The following DOCK1 variants were observed in gnomAD, a reference collection of about 807,000 sequenced individuals.
DOCK1 encodes the protein dedicator of cytokinesis protein 1.
In DOCK1, 138 loss-of-function variants were observed where a neutral mutation model predicts 262.7. The observed-to-expected ratio is 0.53, with a 90% CI of 0.46 to 0.61. DOCK1 has a LOEUF of 0.61. Among genes scored for constraint, DOCK1 ranks in the 20% least tolerant of loss-of-function variants. The pLI is 0.00. For synonymous variants in DOCK1, 866 were observed against 867.4 expected, an observed-to-expected ratio of 1.00 and a Z score of 0.03; for missense variants, 1,908 against 2,370.7, an observed-to-expected ratio of 0.80 and a Z score of 4.05.
rs530681645 is a variant in DOCK1 at position 127,162,337 on chromosome 10, G to A, written c.2847+34573G>A. Among the ~76,000 whole-genome samples the A allele has an allele frequency of 2.0e-5, 3 of 152,330 alleles. No homozygotes were observed. In the East Asian group the frequency reaches 5.8e-4, roughly 29 times the overall value. Reference sequence around the variant, plus strand: ...GGGAGATCTATTTTTGTCATCCCATGTGAGAACTTGGAAGTAATATATCTC... The same window carrying A: ...GGGAGATCTATTTTTGTCATCCCATATGAGAACTTGGAAGTAATATATCTC... On this transcript the variant is annotated intron_variant, in intron 27 of 51. Coordinates refer to ENST00000623213, the MANE Select transcript of DOCK1 (RefSeq NM_001290223.2).
chr10:126,948,583 A>C (rs1383700782), intron 1 of DOCK1, among the ~76,000 whole-genome samples: 4 of 151,930 alleles, frequency 2.6e-5, no homozygotes, highest in Non-Finnish European at 5.9e-5. Context: ...ACCCTGAAAC[A>C]GGGCCCTCAA....
At chr10:127,120,327 T>C (rs1478981860) in intron 25 of DOCK1, among the ~76,000 whole-genome samples, 1 of 152,210 alleles carries the variant, frequency 6.6e-6, no homozygotes, top group Non-Finnish European at 1.5e-5. Flanking sequence ...ACATCGGCTT[T>C]CTAGCATTCT....
chr10:126,998,485 G>A, intron 8 of DOCK1: 1 of 461,094 alleles, frequency 2.2e-6, no homozygotes, highest in East Asian at 3.2e-5. Context: ...AGTTATAGCA[G>A]TTGCAGGTAC....
chr10:127,387,878 G>A (rs2066224185), intron 38 of DOCK1, among the ~76,000 whole-genome samples: 1 of 147,420 alleles, frequency 6.8e-6, no homozygotes, highest in African/African-American at 2.5e-5. Context: ...TTTTAGCAAA[G>A]GTAGCCAAAT....
chr10:126,963,180 A>G (rs1237742744), intron 1 of DOCK1, among the ~76,000 whole-genome samples: 2 of 152,082 alleles, frequency 1.3e-5, no homozygotes, highest in Non-Finnish European at 2.9e-5. Context: ...GTTTTTCAAG[A>G]TTGTTTTGGC....
At chr10:127,003,916 T>G (rs2040790219) in intron 10 of DOCK1, among the ~76,000 whole-genome samples, 1 of 149,656 alleles carries the variant, frequency 6.7e-6, no homozygotes, top group Non-Finnish European at 1.5e-5. Flanking sequence ...ATTGTGTCAC[T>G]GCGCTCCAGC....
intron 29 of DOCK1, among the ~76,000 whole-genome samples, chr10:127,322,464 C>T (rs1359333949): frequency 6.6e-6 from 1 of 152,162 alleles, no homozygotes; most frequent in Admixed American, 6.5e-5. Flanking sequence ...TGCTGGATTA[C>T]AGGAATGAGC....
At chr10:127,049,635 A>G (rs1218851883) in intron 21 of DOCK1, among the ~76,000 whole-genome samples, 1 of 152,198 alleles carries the variant, frequency 6.6e-6, no homozygotes, top group African/African-American at 2.4e-5. Context: ...TACCATGTTC[A>G]TGTATTGAAA....
intron 1 of DOCK1, among the ~76,000 whole-genome samples, chr10:126,912,727 GAAAA>G (rs66679297): frequency 3.2e-5 from 4 of 126,122 alleles, no homozygotes; most frequent in Admixed American, 8.3e-5. Flanking sequence ...CTCCATCTCG[GAAAA>G]AAAAAAAAAA....
intron 27 of DOCK1, among the ~76,000 whole-genome samples, chr10:127,206,392 C>T (rs1423714314): frequency 6.6e-6 from 1 of 152,156 alleles, no homozygotes; most frequent in East Asian, 1.9e-4. Flanking sequence ...GATCTGCCCA[C>T]CTCGGCCTCC....
At chr10:127,212,468 A>G (rs1355481326) in intron 27 of DOCK1, among the ~76,000 whole-genome samples, 2 of 152,158 alleles carry the variant, frequency 1.3e-5, no homozygotes, top group Non-Finnish European at 1.5e-5. Flanking sequence ...AAGAGCCTCT[A>G]GTATTCAAAG....
chr10:127,366,828 G>A (rs186266626), intron 33 of DOCK1, among the ~76,000 whole-genome samples: 4 of 152,292 alleles, frequency 2.6e-5, no homozygotes, highest in African/African-American at 7.2e-5. Context: ...TATTAGTCAC[G>A]TCAGCAGGGG....
At chr10:126,998,543 T>G in intron 8 of DOCK1, 1 of 270,856 alleles carries the variant, frequency 3.7e-6, no homozygotes, top group Admixed American at 4.7e-5. Context: ...AGTAATACTT[T>G]GTTTCCTAAG....
chr10:127,012,383 T>C lies in DOCK1; in HGVS notation c.1201+9T>C, dbSNP rs2041525267. ...CAACCACAAGGGGCAGGGTACGTAT[T>C]TTCCTATTTTGTTTCTATCAGCGTG... On this transcript the variant is annotated intron_variant, in intron 12 of 51. Transcript: ENST00000623213. This position sits in a 1 kb window ranked among gnomAD's most constrained non-coding sequence, Gnocchi z 4.0. The C allele has an allele frequency of 1.9e-6, 3 of 1,613,672 alleles. No homozygotes were observed. In the East Asian group the frequency reaches 6.7e-5, roughly 36 times the overall value.
chr10:127,275,676 G>T (rs187376927), intron 29 of DOCK1, among the ~76,000 whole-genome samples: 38 of 152,256 alleles, frequency 2.5e-4, no homozygotes, highest in African/African-American at 8.9e-4. Flanking sequence ...GTACAGGAGG[G>T]GCTGGCCTGG....
intron 27 of DOCK1, among the ~76,000 whole-genome samples, chr10:127,198,091 G>A (rs1159133750): frequency 6.6e-6 from 1 of 152,176 alleles, no homozygotes; most frequent in Non-Finnish European, 1.5e-5. Context: ...CAGCTTACCA[G>A]GGAGGCTGTT....
intron 24 of DOCK1, 150 bp from the exon 25 acceptor site, chr10:127,110,098 G>A: frequency 1.6e-6 from 1 of 629,608 alleles, no homozygotes; most frequent in Non-Finnish European, 2.8e-6. Context: ...TTCTTGGAAT[G>A]AGTTATTGAC....
Position 127,024,736 on chromosome 10 carries a change from G to A in DOCK1, c.1504G>A (p.Val502Met), listed in dbSNP as rs1190403810. The A allele has an allele frequency of 9.3e-6, 15 of 1,612,504 alleles. No individual in the cohort carries two copies. The highest frequency in any genetic ancestry group is 1.3e-5 in the Non-Finnish European group (15 of 1,179,442). ...TGAAGCGATTTCAGAGTACAAATCTGTGATTTACTACCAAGTAAAGCAGCC... is the reference window on the plus strand; with the variant it reads ...TGAAGCGATTTCAGAGTACAAATCTATGATTTACTACCAAGTAAAGCAGCC... ...GDEAISEYKS[V>M]IYYQVKQPRW... Residue 502 changes from valine to methionine, a missense_variant, in exon 15 of 52, where the codon GTG (valine) becomes ATG (methionine). By Grantham distance (21) the Val-to-Met change is conservative. Around this residue, in one of 9 missense-constraint regions of DOCK1, gnomAD observed 294 missense variants for 439.9 expected, o/e 0.67. Transcript: ENST00000623213.
At chr10:127,058,796 C>T (rs77149624) in intron 22 of DOCK1, among the ~76,000 whole-genome samples, 6,949 of 152,140 alleles carry the variant, frequency 0.046, 264 homozygotes, top group Non-Finnish European at 0.059. Context: ...AAATAGCACG[C>T]TGGAATTGCC....
Sources: gnomAD v4.1 joint callset for allele counts (sites outside exome capture counted in the v4.1 genomes callset) on GRCh38, gnomAD v4.1.1 for gene constraint, gnomAD v4.1.1 regional missense constraint, Gnocchi (gnomAD v3.1) non-coding constraint, MANE v1.5 for transcripts, NCBI Gene and HGNC (gene_info 2026-07-23, HGNC 2026-07-21) for gene names.